Variants in CLCN5 observed in about 807,000 individuals in gnomAD.
CLCN5 encodes H(+)/Cl(-) exchange transporter 5.
CLCN5 carries 17 observed loss-of-function variants against 54.0 expected under a neutral mutation model. The observed-to-expected ratio is 0.31, with a 90% confidence interval of 0.22 to 0.47. The LOEUF (loss-of-function observed/expected upper bound fraction) is 0.47, where lower values mean the gene tolerates loss of function less well. Among genes scored for constraint, CLCN5 ranks in the 20% least tolerant of loss-of-function variants. The pLI is 1.00. For synonymous variants in CLCN5, 222 were observed against 233.0 expected (o/e 0.95, Z 0.43); for missense variants, 448 against 646.7 (o/e 0.69, Z 3.33).
chrX:50,008,090 G>A (rs1285861633), intron 3 of CLCN5, among the ~76,000 whole-genome samples: 1 of 112,044 alleles, frequency 8.9e-6, no homozygotes, highest in African/African-American at 3.2e-5. Flanking sequence ...ATATTACCCA[G>A]GTCTTCAGAT....
intron 3 of CLCN5, among the ~76,000 whole-genome samples, chrX:50,007,340 A>G (rs1557181513): frequency 9.2e-6 from 1 of 108,171 alleles, no homozygotes; most frequent in African/African-American, 3.4e-5. Flanking sequence ...TTTTGATTAT[A>G]CTCACAGGGC....
chrX:50,081,368 C>T (rs1933692010), intron 8 of CLCN5, among the ~76,000 whole-genome samples: 1 of 110,927 alleles, frequency 9.0e-6, no homozygotes, highest in Admixed American at 9.5e-5. Flanking sequence ...CTCTCCAGCT[C>T]CTCCTTCATA....
intron 3 of CLCN5, among the ~76,000 whole-genome samples, chrX:49,926,367 C>T (rs1182207363): frequency 3.6e-5 from 4 of 112,169 alleles, no homozygotes; most frequent in Non-Finnish European, 7.5e-5. Flanking sequence ...ATTCAACAAA[C>T]GAAATACAGA....
chrX:50,079,694 C>A (rs1222156821), intron 7 of CLCN5, among the ~76,000 whole-genome samples: 1 of 111,025 alleles, frequency 9.0e-6, no homozygotes, highest in Non-Finnish European at 1.9e-5. Flanking sequence ...GTCTGTGGTA[C>A]CAAAATTTTC....
At chrX:50,049,224 A>G (rs1427174804) in intron 4 of CLCN5, among the ~76,000 whole-genome samples, 4 of 112,041 alleles carry the variant, frequency 3.6e-5, no homozygotes, top group Non-Finnish European at 7.5e-5. Flanking sequence ...CCAAATTTTT[A>G]CTGTACTTTT....
intron 4 of CLCN5, among the ~76,000 whole-genome samples, chrX:50,059,481 T>TA (rs1932817278): frequency 9.0e-6 from 1 of 111,615 alleles, no homozygotes; most frequent in Admixed American, 9.6e-5. Flanking sequence ...ATTGTGTTTT[T>TA]ATCATAGGAT....
rs1933172717 is a variant in CLCN5, at chrX:50,070,104, A to G, written c.315+74A>G. ...GAAATTGAAGATACATATTCTTTCT[A>G]TTCTTTCCTTTCTTCAGCCCTGGAT... On this transcript the variant is annotated intron_variant, in intron 5 of 14. Transcript: ENST00000376091. 3.6e-5 allele frequency: 35 copies of G among 982,564 alleles called. No homozygotes were observed. The South Asian group carries it at 5.1e-4, about 14-fold the overall frequency. 81.0% of individuals were successfully genotyped at this position (982,564 alleles called of 1,213,427 possible). A position where few individuals can be genotyped will look rare whatever the true frequency, so the allele number is the denominator to read the frequency against.
intron 3 of CLCN5, among the ~76,000 whole-genome samples, chrX:49,961,604 A>G (rs1927599948): frequency 9.0e-6 from 1 of 111,596 alleles, no homozygotes. Flanking sequence ...TAACTGTGAG[A>G]TTATTTTTGC....
In CLCN5 at chrX:49,984,386, G is replaced by GC. The variant is rs782152514; in HGVS notation, c.17-57928dup. Among the ~76,000 whole-genome samples the GC allele has an allele frequency of 4.9e-4, 55 of 111,553 alleles. No individual in the cohort carries two copies. In the South Asian group the frequency reaches 0.017, roughly 35 times the overall value. On this transcript the variant is annotated intron_variant, in intron 3 of 14. Transcript: ENST00000376091. Reference sequence around the variant, plus strand: ...CTATAATTTTCCTTGTGAGATTTTAGCCATAGATCAGGTTTAGTAATCAAG... The same window carrying GC: ...CTATAATTTTCCTTGTGAGATTTTAGCCCATAGATCAGGTTTAGTAATCAAG...
chrX:49,964,963 C>A (rs1927772494), intron 3 of CLCN5, among the ~76,000 whole-genome samples: 1 of 111,288 alleles, frequency 9.0e-6, no homozygotes, highest in Admixed American at 9.6e-5. Flanking sequence ...CAGGGGAAAA[C>A]CTTTCTTGAA....
rs1044369776 is a variant in CLCN5 at position 50,095,943 on chromosome X, T to C, written c.*3724T>C. Reference sequence around the variant, plus strand: ...CACTATCTCTTGTTTTGTTTTGTTTTGTTTTTAAATAATGAACAGTGCAAT... The same window carrying C: ...CACTATCTCTTGTTTTGTTTTGTTTCGTTTTTAAATAATGAACAGTGCAAT... On this transcript the variant is annotated 3_prime_UTR_variant, in exon 15 of 15. Transcript: ENST00000376091. 8.9e-6 allele frequency: 1 copy of C among 112,619 alleles called. No homozygotes were observed. The highest frequency in any genetic ancestry group is 3.2e-5 in the African/African-American group (1 of 30,965). 9.3% of individuals were successfully genotyped at this position (112,619 alleles called of 1,213,427 possible).
At chrX:50,065,040 C>A (rs1473568002) in intron 4 of CLCN5, among the ~76,000 whole-genome samples, 86 of 109,364 alleles carry the variant, frequency 7.9e-4, no homozygotes, top group Non-Finnish European at 1.4e-3. Context: ...AAACATTAGA[C>A]CTAAAACCAT....
intron 3 of CLCN5, among the ~76,000 whole-genome samples, chrX:50,002,249 A>G: frequency 9.0e-6 from 1 of 110,532 alleles, no homozygotes. Flanking sequence ...CCAACTATGT[A>G]CTGGACATCT....
intron 3 of CLCN5, among the ~76,000 whole-genome samples, chrX:49,957,550 C>T (rs1027752203): frequency 9.0e-6 from 1 of 111,596 alleles, no homozygotes; most frequent in African/African-American, 3.3e-5. Context: ...CTTTCAGTTC[C>T]TAGCCTCGCC....
intron 3 of CLCN5, 85 bp downstream of exon 3, chrX:49,925,399 A>G (rs1261112362): frequency 4.3e-6 from 4 of 927,380 alleles, no homozygotes; most frequent in Non-Finnish European, 4.7e-6. Flanking sequence ...CACCCAGCCA[A>G]TGGCAGGCAG....
chrX:49,987,150 T>C (rs1557178365), intron 3 of CLCN5, among the ~76,000 whole-genome samples: 1 of 112,591 alleles, frequency 8.9e-6, no homozygotes, highest in Non-Finnish European at 1.9e-5. Flanking sequence ...AAATGACATA[T>C]TCTTATTCTC....
intron 8 of CLCN5, among the ~76,000 whole-genome samples, 158 bp from the exon 9 acceptor site, chrX:50,081,483 G>T (rs1376216453): frequency 2.7e-5 from 3 of 111,590 alleles, no homozygotes; most frequent in African/African-American, 9.8e-5. Flanking sequence ...GCTTTCTTGG[G>T]CTCCTGGGCT....
chrX:50,044,998 C>T (rs1314904612), intron 4 of CLCN5, among the ~76,000 whole-genome samples: 3 of 110,342 alleles, frequency 2.7e-5, no homozygotes, highest in African/African-American at 6.6e-5. Context: ...GGGCAGTAAA[C>T]GAGTAAAAAG....
intron 4 of CLCN5, among the ~76,000 whole-genome samples, chrX:50,054,977 GGGGCTAACAGGT>G (rs1400171695): frequency 1.8e-5 from 2 of 111,323 alleles, no homozygotes; most frequent in Non-Finnish European, 1.9e-5. Flanking sequence ...TCTAAGATCT[GGGGCTAACAGGT>G]AATCCAGAGA....
Sources: allele counts gnomAD v4.1 joint callset (sites outside exome capture counted in the v4.1 genomes callset), GRCh38; gene constraint gnomAD v4.1.1; transcripts MANE v1.5; gene names NCBI Gene and HGNC (gene_info 2026-07-23, HGNC 2026-07-21).